SH3GL2: variants seen among roughly 807,000 people sequenced by gnomAD.
SH3GL2 encodes endophilin-A1.
SH3GL2 carries 24 observed loss-of-function variants against 46.0 expected under a neutral mutation model. That is an observed-to-expected ratio of 0.52 (90% confidence interval 0.38 to 0.73). The LOEUF is 0.73. Ranked by LOEUF, SH3GL2 falls within the 30% of genes least tolerant of loss-of-function variation. SH3GL2 has a pLI of 0.00. For synonymous variants in SH3GL2, 196 were observed against 147.1 expected, an observed-to-expected ratio of 1.33 and a Z score of -2.40; for missense variants, 413 against 424.2, an observed-to-expected ratio of 0.97 and a Z score of 0.23.
chr9:17,588,555 C>T (rs1367098787), intron 1 of SH3GL2, among the ~76,000 whole-genome samples: 1 of 152,116 alleles, frequency 6.6e-6, no homozygotes, highest in Non-Finnish European at 1.5e-5. Context: ...AGTAGTAATG[C>T]AGGCAGCCTC....
chr9:17,636,669 C>T (rs1041194366), intron 1 of SH3GL2, among the ~76,000 whole-genome samples: 1 of 152,144 alleles, frequency 6.6e-6, no homozygotes, highest in Non-Finnish European at 1.5e-5. Flanking sequence ...CCTCATCACC[C>T]TTATATCAAC....
intron 1 of SH3GL2, among the ~76,000 whole-genome samples, chr9:17,738,641 T>TATATAGAGAGAGAG (rs376280314): frequency 0.029 from 2,579 of 88,728 alleles, 90 homozygotes; most frequent in Non-Finnish European, 0.047. Flanking sequence ...TATATATATA[T>TATATAGAGAGAGAG]AGAGAGAGAG....
rs192043709 is a variant in SH3GL2, at chr9:17,591,645, C to T, written c.45+12358C>T. ...CTTGTATTGTGTAGTGCTGAGAGCACGGTTGTTTGTGAAGGAATGTTTTTC... is the reference window on the plus strand; with the variant it reads ...CTTGTATTGTGTAGTGCTGAGAGCATGGTTGTTTGTGAAGGAATGTTTTTC... On this transcript the variant is annotated intron_variant, in intron 1 of 8. Transcript: ENST00000380607. Among the ~76,000 whole-genome samples the T allele has an allele frequency of 3.1e-3, 466 of 152,198 alleles. 2 individuals are homozygous for T. Among genetic ancestry groups the T allele is most frequent in the Middle Eastern group, 6.8e-3 (2 of 294 alleles).
At chr9:17,762,752 G>GGTTTCT (rs1432007884) in intron 3 of SH3GL2, among the ~76,000 whole-genome samples, 1 of 152,084 alleles carries the variant, frequency 6.6e-6, no homozygotes, top group Non-Finnish European at 1.5e-5. Context: ...GCAAAAATCA[G>GGTTTCT]GTTTCTTATT....
At chr9:17,737,061 C>T (rs1822358195) in intron 1 of SH3GL2, among the ~76,000 whole-genome samples, 1 of 152,040 alleles carries the variant, frequency 6.6e-6, no homozygotes, top group African/African-American at 2.4e-5. Flanking sequence ...GGGGACATAG[C>T]CGAAGCTGGA....
chr9:17,729,329 ATTTG>A (rs1381708764), intron 1 of SH3GL2, among the ~76,000 whole-genome samples: 2 of 151,896 alleles, frequency 1.3e-5, no homozygotes, highest in Non-Finnish European at 2.9e-5. Flanking sequence ...TTTCTTGTAA[ATTTG>A]TTTAAGTTCC....
chr9:17,647,754 A>G (rs1819855147), intron 1 of SH3GL2, among the ~76,000 whole-genome samples: 1 of 152,202 alleles, frequency 6.6e-6, no homozygotes, highest in African/African-American at 2.4e-5. Flanking sequence ...ATGGCATGTA[A>G]GCACTCACCA....
Position 17,789,501 on chromosome 9 carries a change from A to G in SH3GL2, c.575A>G (p.Glu192Gly). Reference sequence around the variant, plus strand: ...CGTCAAGCTCTAGAGAAATTTGATGAGTCTAAGGAAATTGCTGAGTCAAGC... The same window carrying G: ...CGTCAAGCTCTAGAGAAATTTGATGGGTCTAAGGAAATTGCTGAGTCAAGC... ...ELRQALEKFD[E>G]SKEIAESSMF... The change falls in exon 6 of 9, where the codon GAG becomes GGG. Residue 192 changes from glutamate (E) to glycine (G), a missense_variant. Transcript: ENST00000380607. 6.2e-7 allele frequency: 1 copy of G among 1,613,420 alleles called. No homozygotes were observed. The highest frequency in any genetic ancestry group is 1.3e-5 in the African/African-American group (1 of 74,990).
At chr9:17,656,395 T>C (rs926884006) in intron 1 of SH3GL2, among the ~76,000 whole-genome samples, 4 of 141,012 alleles carry the variant, frequency 2.8e-5, no homozygotes, top group Middle Eastern at 3.5e-3. Context: ...TGAAAATTGA[T>C]TTTTTTTTTA....
At chr9:17,587,443 G>A (rs1172179183) in intron 1 of SH3GL2, among the ~76,000 whole-genome samples, 4 of 152,144 alleles carry the variant, frequency 2.6e-5, no homozygotes, top group Non-Finnish European at 4.4e-5. Flanking sequence ...GTCTAAGGAG[G>A]GTTAGAGGAA....
intron 3 of SH3GL2, among the ~76,000 whole-genome samples, chr9:17,771,669 C>T (rs530548426): frequency 2.1e-4 from 32 of 152,294 alleles, no homozygotes. Flanking sequence ...CCTGTGTTGG[C>T]ACCTTGCAGC....
chr9:17,706,275 C>A (rs1055962731), intron 1 of SH3GL2, among the ~76,000 whole-genome samples: 16 of 152,020 alleles, frequency 1.1e-4, no homozygotes, highest in African/African-American at 3.6e-4. Flanking sequence ...CCTTTCATAC[C>A]TTTAAGTCAA....
intron 2 of SH3GL2, among the ~76,000 whole-genome samples, chr9:17,754,857 A>G (rs899359471): frequency 9.9e-5 from 15 of 152,234 alleles, no homozygotes; most frequent in Non-Finnish European, 1.5e-4. Flanking sequence ...CTTTGCTGAC[A>G]TTCTTTATCA....
rs73424585 is a variant in SH3GL2, at chr9:17,788,861, T to C, written c.466-531T>C. On this transcript the variant is annotated intron_variant, in intron 5 of 8. Transcript: ENST00000380607. The stretch of plus-strand genomic sequence containing the variant: ...GATTCCTAGGCCCCCACCCTAGATA[T>C]CGATTCAAGAGCTCAGGAATCCATA... Among the ~76,000 whole-genome samples, 739 of 152,222 alleles carry C rather than the reference T, an allele frequency of 4.9e-3. 9 individuals are homozygous for C. The highest frequency in any genetic ancestry group is 0.017 in the African/African-American group (713 of 41,566).
At chr9:17,790,088 CAAAGGCCAG>C (rs1037340471) in intron 6 of SH3GL2, among the ~76,000 whole-genome samples, 5 of 152,116 alleles carry the variant, frequency 3.3e-5, no homozygotes, top group Non-Finnish European at 5.9e-5. Flanking sequence ...TCCCAGAGTC[CAAAGGCCAG>C]AAAGCCTAGA....
chr9:17,628,980 C>T (rs956616087), intron 1 of SH3GL2, among the ~76,000 whole-genome samples: 7 of 145,822 alleles, frequency 4.8e-5, no homozygotes, highest in African/African-American at 1.3e-4. Context: ...ATTAAATTAC[C>T]TTTTTTTTTT....
intron 1 of SH3GL2, among the ~76,000 whole-genome samples, chr9:17,631,765 T>C (rs1169501977): frequency 2.0e-5 from 3 of 152,192 alleles, no homozygotes; most frequent in African/African-American, 7.2e-5. Context: ...TTTCTGAAAA[T>C]GAGCCTTTTA....
At chr9:17,786,250 G>A (rs767768762) in intron 3 of SH3GL2, 131 bp from the exon 4 acceptor site, 1 of 727,356 alleles carries the variant, frequency 1.4e-6, no homozygotes, top group Non-Finnish European at 2.3e-6. Flanking sequence ...GAACACTGGA[G>A]CGTACTGAAG....
intron 3 of SH3GL2, among the ~76,000 whole-genome samples, chr9:17,772,172 A>T (rs768324222): frequency 6.6e-6 from 1 of 152,190 alleles, no homozygotes; most frequent in Non-Finnish European, 1.5e-5. Flanking sequence ...AATGAAATGC[A>T]TGCTAAGATG....
Sources: allele counts gnomAD v4.1 joint callset (sites outside exome capture counted in the v4.1 genomes callset), GRCh38; gene constraint gnomAD v4.1.1; transcripts MANE v1.5; gene names NCBI Gene and HGNC (gene_info 2026-07-23, HGNC 2026-07-21).